Variants in ST6GALNAC1 observed in about 807,000 individuals in gnomAD.
The protein encoded by ST6GALNAC1 is alpha-N-acetylgalactosaminide alpha-2,6-sialyltransferase 1.
Under a neutral mutation model 56.8 loss-of-function variants are expected in ST6GALNAC1, and 45 were observed. That is an observed-to-expected ratio of 0.79 (90% CI 0.62 to 1.02). The LOEUF is 1.02. Ranked by LOEUF, ST6GALNAC1 falls within the 50% of genes least tolerant of loss-of-function variation. The pLI is 0.00. For synonymous variants in ST6GALNAC1, 295 were observed against 297.8 expected, an observed-to-expected ratio of 0.99 and a Z score of 0.10; for missense variants, 743 against 754.8, an observed-to-expected ratio of 0.98 and a Z score of 0.18.
chr17:76,636,547 C>T (rs1179247716), intron 1 of ST6GALNAC1, among the ~76,000 whole-genome samples: 2 of 152,152 alleles, frequency 1.3e-5, no homozygotes, highest in South Asian at 2.1e-4. Context: ...AAGTCTCACA[C>T]GGAGCTGAGA....
chr17:76,620,514 C>T (rs1337262649), downstream of ST6GALNAC1, among the ~76,000 whole-genome samples: 1 of 151,984 alleles, frequency 6.6e-6, no homozygotes, highest in African/African-American at 2.4e-5. Context: ...CCCTTCCGCC[C>T]TATTCCTATT....
the ST6GALNAC1 span, among the ~76,000 whole-genome samples, chr17:76,618,455 T>C: frequency 2.0e-5 from 3 of 152,136 alleles, no homozygotes; most frequent in South Asian, 6.2e-4. Context: ...GTATGTAATT[T>C]TAGGTTGATC....
At chr17:76,634,266 C>T (rs2075946063) in intron 1 of ST6GALNAC1, among the ~76,000 whole-genome samples, 2 of 152,128 alleles carry the variant, frequency 1.3e-5, no homozygotes, top group South Asian at 2.1e-4. Context: ...TTATCTCAGG[C>T]CCCCTGGCTG....
chr17:76,637,118 G>T (rs1314525274), intron 1 of ST6GALNAC1, among the ~76,000 whole-genome samples: 2 of 151,622 alleles, frequency 1.3e-5, no homozygotes, highest in African/African-American at 4.8e-5. Flanking sequence ...AGTTCCCAGG[G>T]ACACAAACAC....
chr17:76,629,788 T>G lies in ST6GALNAC1; in HGVS notation c.132-77A>C, dbSNP rs200176435. Reference sequence around the variant, plus strand: ...AGAAGCATAAGTAGTTTTTTGTTTTTTTTTTTTTTTTTGAGACACAGTCTT... The same window carrying G: ...AGAAGCATAAGTAGTTTTTTGTTTTGTTTTTTTTTTTTGAGACACAGTCTT... On this transcript the variant is annotated intron_variant, in intron 1 of 8. Transcript: ENST00000156626. The G allele has an allele frequency of 1.7e-3, 1,808 of 1,037,886 alleles. 2 individuals are homozygous for G. Among genetic ancestry groups the G allele is most frequent in the South Asian group, 2.7e-3 (162 of 61,106 alleles). The allele number at this position is 1,037,886 out of a possible 1,614,324, so 64.3% of individuals were successfully genotyped here.
chr17:76,639,248 G>A (rs193054072), intron 1 of ST6GALNAC1, among the ~76,000 whole-genome samples: 1 of 152,134 alleles, frequency 6.6e-6, no homozygotes, highest in African/African-American at 2.4e-5. Context: ...ACTGGGTCCA[G>A]GCCCTGTTCA....
downstream of ST6GALNAC1, among the ~76,000 whole-genome samples, chr17:76,622,761 G>A (rs1223361790): frequency 6.6e-6 from 1 of 150,862 alleles, no homozygotes; most frequent in East Asian, 2.0e-4. Context: ...TAGTCAAAGA[G>A]CTACTCACCC....
intron 1 of ST6GALNAC1, chr17:76,637,693 T>C (rs1327644341): frequency 2.5e-6 from 1 of 398,910 alleles, no homozygotes; most frequent in African/African-American, 2.1e-5. Context: ...CCCACTCCCA[T>C]GCCTTGGCAC....
chr17:76,622,183 C>CATAT (rs201967554), downstream of ST6GALNAC1, among the ~76,000 whole-genome samples: 1 of 146,616 alleles, frequency 6.8e-6, no homozygotes, highest in African/African-American at 2.5e-5. Flanking sequence ...AGTTGCTGTT[C>CATAT]ATATATATAT....
intron 1 of ST6GALNAC1, among the ~76,000 whole-genome samples, chr17:76,642,232 C>CT (rs2076059173): frequency 6.6e-6 from 1 of 151,832 alleles, no homozygotes; most frequent in Admixed American, 6.6e-5. Flanking sequence ...ATCTATCTAT[C>CT]TATCTATCTA....
downstream of ST6GALNAC1, among the ~76,000 whole-genome samples, chr17:76,622,557 G>A (rs1414187199): frequency 1.3e-5 from 2 of 151,956 alleles, no homozygotes; most frequent in Non-Finnish European, 2.9e-5. Flanking sequence ...TAGAGATGGG[G>A]TTTCGCCATG....
chr17:76,624,041 G>A (rs1487759187), downstream of ST6GALNAC1, among the ~76,000 whole-genome samples: 5 of 152,154 alleles, frequency 3.3e-5, no homozygotes, highest in Non-Finnish European at 5.9e-5. Context: ...GCGGAGGACA[G>A]GGCGCCGCGA....
chr17:76,633,166 A>G (rs1158704285), intron 1 of ST6GALNAC1, among the ~76,000 whole-genome samples: 1 of 152,076 alleles, frequency 6.6e-6, no homozygotes, highest in Non-Finnish European at 1.5e-5. Flanking sequence ...CTGAGATAGC[A>G]CTACTGCACT....
At chr17:76,633,959 G>T (rs1046686560) in intron 1 of ST6GALNAC1, 1 of 152,190 alleles carries the variant, frequency 6.6e-6, no homozygotes, top group Non-Finnish European at 1.5e-5. Context: ...ATATTGAAGA[G>T]GCTGAAACTG....
At chr17:76,619,517 A>G in the ST6GALNAC1 span, among the ~76,000 whole-genome samples, 1 of 152,152 alleles carries the variant, frequency 6.6e-6, no homozygotes, top group African/African-American at 2.4e-5. Context: ...TTTTTTGACA[A>G]TGAGAAACAG....
At position 76,626,769 on chromosome 17, in the gene ST6GALNAC1, T is replaced by C. The variant is rs2075805710; in HGVS notation, c.1193A>G (p.Lys398Arg). ...AGTCCCCACATCCTGTTCGTAGCCT[T>C]TAATGAGAGCTCCGCTCAATCTGTG... ...YVFRLSGALIKGYEQDVGTRT... is the reference protein window; with the variant it reads ...YVFRLSGALIRGYEQDVGTRT... The change falls in exon 5 of 9, where the codon AAA becomes AGA. Residue 398 changes from lysine (K) to arginine (R), a missense_variant. Lys to Arg is a conservative substitution (Grantham distance 26). Coordinates refer to ENST00000156626, the MANE Select transcript of ST6GALNAC1 (RefSeq NM_018414.5). 16 of 1,614,158 alleles carry C rather than the reference T, an allele frequency of 9.9e-6. No homozygotes were observed. The highest frequency in any genetic ancestry group is 1.4e-5 in the Non-Finnish European group (16 of 1,180,024).
intron 1 of ST6GALNAC1, 36 bp from the exon 2 acceptor site, chr17:76,629,747 A>T: frequency 1.3e-5 from 18 of 1,340,436 alleles, no homozygotes; most frequent in Non-Finnish European, 1.9e-5. Flanking sequence ...AAGGCTGAAG[A>T]TTGTGGAAAC....
Position 76,625,730 on chromosome 17 carries a change from A to G in ST6GALNAC1, c.1605+89T>C, listed in dbSNP as rs890938444. ...TCTTTCCCAGCAGATGTGGGCACCC[A>G]GCCCATGCACTGTCCTATGCTGAAC... On this transcript the variant is annotated intron_variant, in intron 8 of 8. Transcript: ENST00000156626. The G allele has an allele frequency of 2.4e-6, 3 of 1,260,940 alleles. No individual in the cohort carries two copies. The Admixed American group carries it at 8.1e-5, about 34-fold the overall frequency. The allele number at this position is 1,260,940 out of a possible 1,614,324, so 78.1% of individuals were successfully genotyped here.
chr17:76,620,601 AG>A (rs1232410066), downstream of ST6GALNAC1, among the ~76,000 whole-genome samples: 4 of 150,438 alleles, frequency 2.7e-5, no homozygotes, highest in African/African-American at 9.8e-5. Context: ...TTTGAGATGA[AG>A]TCTTGCTCTG....
Sources: allele counts gnomAD v4.1 joint callset (sites outside exome capture counted in the v4.1 genomes callset), GRCh38; gene constraint gnomAD v4.1.1; transcripts MANE v1.5; gene names NCBI Gene and HGNC (gene_info 2026-07-23, HGNC 2026-07-21).